The following CCSER1 variants were observed in gnomAD, a reference collection of about 807,000 sequenced individuals.
CCSER1 encodes the protein coiled-coil serine rich protein 1.
Under a neutral mutation model 82.0 loss-of-function variants are expected in CCSER1, and 41 were observed. That is an observed-to-expected ratio of 0.50 (90% CI 0.39 to 0.65). The LOEUF (loss-of-function observed/expected upper bound fraction) is 0.65, where lower values mean the gene tolerates loss of function less well. CCSER1 is among the 30% of genes least tolerant of loss of function. The pLI is 0.00. For synonymous variants in CCSER1, 414 were observed against 383.9 expected (o/e 1.08, Z -0.92); for missense variants, 1,119 against 1,064.2 (o/e 1.05, Z -0.72).
At chr4:90,612,346 C>T (rs898858499) in intron 5 of CCSER1, among the ~76,000 whole-genome samples, 2 of 152,060 alleles carry the variant, frequency 1.3e-5, no homozygotes, top group African/African-American at 2.4e-5. Flanking sequence ...ATTTGGAGAA[C>T]GGGGTATATT....
intron 10 of CCSER1, among the ~76,000 whole-genome samples, chr4:91,308,988 C>T (rs1745260296): frequency 6.6e-6 from 1 of 151,890 alleles, no homozygotes; most frequent in African/African-American, 2.4e-5. Context: ...GGCCTAAACC[C>T]TATGGGAAAG....
chr4:90,861,027 G>A (rs1165070404), intron 8 of CCSER1, among the ~76,000 whole-genome samples: 2 of 151,410 alleles, frequency 1.3e-5, no homozygotes, highest in Non-Finnish European at 3.0e-5. Context: ...ATTATAACTC[G>A]ATAAAACAAT....
At chr4:90,489,386 A>T (rs1229676101) in intron 5 of CCSER1, among the ~76,000 whole-genome samples, 3 of 152,150 alleles carry the variant, frequency 2.0e-5, no homozygotes, top group Non-Finnish European at 4.4e-5. Context: ...CCTTTAAAAC[A>T]GTTTTAGGGA....
intron 5 of CCSER1, among the ~76,000 whole-genome samples, chr4:90,505,225 TG>T (rs1359059128): frequency 2.0e-5 from 3 of 152,222 alleles, no homozygotes; most frequent in Non-Finnish European, 4.4e-5. Context: ...GGGCAACAGA[TG>T]GGCTACAAAG....
chr4:90,284,519 G>A (rs1729506862), intron 1 of CCSER1, among the ~76,000 whole-genome samples: 1 of 150,194 alleles, frequency 6.7e-6, no homozygotes, highest in African/African-American at 2.4e-5. Context: ...TTTGAGACAG[G>A]GGCTTGTTCT....
intron 6 of CCSER1, among the ~76,000 whole-genome samples, chr4:90,706,554 T>A (rs899616642): frequency 1.6e-4 from 24 of 152,194 alleles, no homozygotes; most frequent in African/African-American, 5.3e-4. Flanking sequence ...AGAGGATGCC[T>A]TCAGTAATTA....
intron 10 of CCSER1, among the ~76,000 whole-genome samples, chr4:91,396,807 T>A (rs775728443): frequency 4.6e-5 from 7 of 152,004 alleles, no homozygotes; most frequent in Non-Finnish European, 8.8e-5. Flanking sequence ...AATCAAAAAA[T>A]TTTAAAGCTT....
intron 10 of CCSER1, among the ~76,000 whole-genome samples, chr4:91,470,858 T>C (rs1757234407): frequency 6.6e-6 from 1 of 152,180 alleles, no homozygotes; most frequent in South Asian, 2.1e-4. Context: ...AAATTATGTA[T>C]GCACAGACAA....
intron 3 of CCSER1, among the ~76,000 whole-genome samples, chr4:90,341,496 A>C (rs567780642): frequency 1.3e-5 from 2 of 152,112 alleles, no homozygotes; most frequent in Non-Finnish European, 2.9e-5. Flanking sequence ...ATATTTAAAA[A>C]TTAATTTTTA....
At chr4:90,726,416 C>G (rs541052686) in intron 7 of CCSER1, among the ~76,000 whole-genome samples, 2 of 151,818 alleles carry the variant, frequency 1.3e-5, no homozygotes, top group Non-Finnish European at 2.9e-5. Flanking sequence ...TAGGAATGTA[C>G]CATAGTAAGA....
intron 5 of CCSER1, among the ~76,000 whole-genome samples, chr4:90,611,000 C>G (rs1248043134): frequency 1.3e-5 from 2 of 151,332 alleles, no homozygotes; most frequent in African/African-American, 4.9e-5. Context: ...GCCTCAGCCT[C>G]CTGAGTAGCT....
chr4:90,846,794 G>T (rs2149903837), intron 8 of CCSER1, among the ~76,000 whole-genome samples: 1 of 152,046 alleles, frequency 6.6e-6, no homozygotes, highest in South Asian at 2.1e-4. Context: ...GGGATTACAG[G>T]CACGCCAGCA....
Position 91,170,426 on chromosome 4 carries a change from ACTT to A in CCSER1, c.2217+84438_2217+84440del, listed in dbSNP as rs531105121. 4.4e-4 allele frequency among the ~76,000 whole-genome samples: 67 copies of A among 152,256 alleles called. 1 individual carries two copies. In the South Asian group the frequency reaches 9.7e-3, roughly 22 times the overall value. ...GACAAAGAAATGCAGAAGAAGTTGT[ACTT>A]CTTCTGAAAACACGTGACTGTGTTA... On this transcript the variant is annotated intron_variant, in intron 10 of 10. Transcript: ENST00000509176.
chr4:90,708,495 A>G (rs1739838589), intron 6 of CCSER1, among the ~76,000 whole-genome samples: 2 of 152,164 alleles, frequency 1.3e-5, no homozygotes, highest in East Asian at 3.9e-4. Context: ...GGTACCGGGA[A>G]TGAGGAATGA....
intron 10 of CCSER1, among the ~76,000 whole-genome samples, chr4:91,573,856 A>G (rs1238612759): frequency 2.0e-5 from 3 of 152,096 alleles, no homozygotes; most frequent in Non-Finnish European, 2.9e-5. Context: ...TTCTGTTTTT[A>G]TACACTAACA....
At chr4:90,550,501 C>G (rs1560703806) in intron 5 of CCSER1, among the ~76,000 whole-genome samples, 1 of 152,030 alleles carries the variant, frequency 6.6e-6, no homozygotes, top group Admixed American at 6.6e-5. Flanking sequence ...GCATTTCTTT[C>G]ACAATTTTAT....
At chr4:90,803,418 G>A (rs1375832180) in intron 7 of CCSER1, among the ~76,000 whole-genome samples, 1 of 151,964 alleles carries the variant, frequency 6.6e-6, no homozygotes, top group African/African-American at 2.4e-5. Context: ...ATGTCCATGT[G>A]TTCTCATTGT....
At chr4:91,086,948 C>G (rs1235640892) in intron 10 of CCSER1, among the ~76,000 whole-genome samples, 1 of 151,932 alleles carries the variant, frequency 6.6e-6, no homozygotes, top group Non-Finnish European at 1.5e-5. Flanking sequence ...GATGGAAGAG[C>G]TAGATGAAGT....
At chr4:90,613,784 AAAC>A (rs1252614562) in intron 5 of CCSER1, among the ~76,000 whole-genome samples, 1 of 151,830 alleles carries the variant, frequency 6.6e-6, no homozygotes, top group African/African-American at 2.4e-5. Context: ...GTGCAGGAAA[AAAC>A]AAACAGACAT....
Sources: allele counts gnomAD v4.1 joint callset (sites outside exome capture counted in the v4.1 genomes callset), GRCh38; gene constraint gnomAD v4.1.1; transcripts MANE v1.5; gene names NCBI Gene and HGNC (gene_info 2026-07-23, HGNC 2026-07-21).